The following PARD3 variants were observed in gnomAD, a reference collection of about 807,000 sequenced individuals.
PARD3 encodes the protein par-3 family cell polarity regulator.
A neutral mutation model predicts 155.4 loss-of-function variants in PARD3; 75 were observed. That is an observed-to-expected ratio of 0.48 (90% CI 0.40 to 0.58). The LOEUF is 0.58. Ranked by LOEUF, PARD3 falls within the 20% of genes least tolerant of loss-of-function variation. The probability of loss-of-function intolerance (pLI) is 0.00; values close to 1 mark genes in which losing one functional copy is unlikely to be tolerated. For synonymous variants in PARD3, 576 were observed against 610.5 expected, an observed-to-expected ratio of 0.94 and a Z score of 0.83; for missense variants, 1,642 against 1,721.7, an observed-to-expected ratio of 0.95 and a Z score of 0.82.
intron 2 of PARD3, among the ~76,000 whole-genome samples, chr10:34,590,331 T>C (rs1286098307): frequency 6.6e-6 from 1 of 152,214 alleles, no homozygotes; most frequent in African/African-American, 2.4e-5. Flanking sequence ...TGCATCTAAT[T>C]GCTTTTCAGA....
chr10:34,142,376 TAA>T (rs879790428), intron 22 of PARD3, among the ~76,000 whole-genome samples: 2 of 144,320 alleles, frequency 1.4e-5, no homozygotes, highest in Admixed American at 6.9e-5. Flanking sequence ...ACCCCATCTC[TAA>T]AAAAAAAAAA....
chr10:34,792,885 G>A (rs566576658), intron 1 of PARD3, among the ~76,000 whole-genome samples: 9 of 152,356 alleles, frequency 5.9e-5, no homozygotes, highest in South Asian at 4.1e-4. Flanking sequence ...GTAATAACAC[G>A]GTCAAAATTA....
intron 1 of PARD3, among the ~76,000 whole-genome samples, chr10:34,696,995 GACAC>G (rs35717875): frequency 6.3e-4 from 90 of 143,968 alleles, no homozygotes; most frequent in Non-Finnish European, 9.6e-4. Flanking sequence ...GAGACAAAAT[GACAC>G]ACACACACAC....
chr10:34,286,608 T>C (rs1292566361), intron 20 of PARD3, among the ~76,000 whole-genome samples: 1 of 152,180 alleles, frequency 6.6e-6, no homozygotes, highest in Non-Finnish European at 1.5e-5. Context: ...TTCTTGCCTA[T>C]TCCAGTGATA....
At chr10:34,406,487 T>C (rs957122086) in intron 5 of PARD3, among the ~76,000 whole-genome samples, 2 of 152,158 alleles carry the variant, frequency 1.3e-5, no homozygotes, top group Non-Finnish European at 2.9e-5. Flanking sequence ...GTCTAGTAAG[T>C]ACATCTCCAT....
At chr10:34,785,742 G>C (rs937210565) in intron 1 of PARD3, among the ~76,000 whole-genome samples, 2 of 152,036 alleles carry the variant, frequency 1.3e-5, no homozygotes, top group Admixed American at 6.6e-5. Context: ...CTCATGTGAA[G>C]GTCTTATAAG....
chr10:34,687,949 G>A (rs984820334), intron 2 of PARD3, among the ~76,000 whole-genome samples: 5 of 136,272 alleles, frequency 3.7e-5, no homozygotes, highest in African/African-American at 5.4e-5. Flanking sequence ...CAACCTCACA[G>A]GCTCAATGCG....
intron 7 of PARD3, among the ~76,000 whole-genome samples, chr10:34,389,239 TAAAAAAAAAAA>T (rs57615675): frequency 2.1e-4 from 14 of 65,850 alleles, no homozygotes; most frequent in Admixed American, 6.1e-4. Flanking sequence ...CAATGTTTCT[TAAAAAAAAAAA>T]AAAAAAAAAA....
At chr10:34,404,470 C>T (rs536767967) in intron 5 of PARD3, among the ~76,000 whole-genome samples, 3 of 152,164 alleles carry the variant, frequency 2.0e-5, no homozygotes, top group Middle Eastern at 6.8e-3. Context: ...ATTTCAAGAC[C>T]AGTGTGGGCA....
intron 23 of PARD3, among the ~76,000 whole-genome samples, chr10:34,130,824 A>G (rs1197164723): frequency 6.6e-6 from 1 of 152,162 alleles, no homozygotes; most frequent in Non-Finnish European, 1.5e-5. Context: ...ACTTTGGGAG[A>G]CTGAAGAATG....
At chr10:34,451,476 C>G (rs184408902) in intron 4 of PARD3, among the ~76,000 whole-genome samples, 1 of 151,868 alleles carries the variant, frequency 6.6e-6, no homozygotes, top group Non-Finnish European at 1.5e-5. Flanking sequence ...ATATGAACAC[C>G]CAATACAAAC....
intron 19 of PARD3, among the ~76,000 whole-genome samples, chr10:34,323,864 T>G (rs548328025): frequency 2.6e-4 from 39 of 152,334 alleles, no homozygotes; most frequent in South Asian, 6.2e-4. Context: ...GATTTTAACA[T>G]TCAAATGACG....
rs750118282 is a variant in PARD3 at position 34,516,989 on chromosome 10, G to A, written c.393C>T (p.Val131=). ...AGAGCTTTCACTTACTTGCTCGAAG[G>A]ACTGAAGGTGTGACCTCAATTTCAC... is the stretch of plus-strand genomic sequence containing the variant. ...ATSEIEVTPS[V]LRANMPLHVR... is the part of the protein sequence containing the mutation. Residue 131 remains valine (V), a synonymous_variant, in exon 3 of 25, where the codon GTC becomes GTT. Transcript: ENST00000374788. The A allele has an allele frequency of 1.6e-5, 26 of 1,613,804 alleles. No homozygotes were observed. Among genetic ancestry groups the A allele is most frequent in the Non-Finnish European group, 2.1e-5 (25 of 1,179,854 alleles).
intron 4 of PARD3, among the ~76,000 whole-genome samples, chr10:34,463,918 A>T (rs937146547): frequency 2.6e-5 from 4 of 152,216 alleles, no homozygotes; most frequent in Non-Finnish European, 5.9e-5. Context: ...AGGATATACC[A>T]TGTAACCTAG....
chr10:34,178,484 G>T (rs958459165), intron 22 of PARD3, among the ~76,000 whole-genome samples: 1 of 152,190 alleles, frequency 6.6e-6, no homozygotes, highest in African/African-American at 2.4e-5. Flanking sequence ...AGAAATGCAG[G>T]AGGGACAGCA....
chr10:34,140,446 G>A (rs969964312), intron 22 of PARD3, among the ~76,000 whole-genome samples: 2 of 152,160 alleles, frequency 1.3e-5, no homozygotes, highest in African/African-American at 4.8e-5. Context: ...TGTACAGTTT[G>A]TGAAAAAGTA....
chr10:34,666,406 C>G (rs2093472351), intron 2 of PARD3, among the ~76,000 whole-genome samples: 2 of 152,066 alleles, frequency 1.3e-5, no homozygotes, highest in Admixed American at 6.6e-5. Flanking sequence ...GTCTGAGAAT[C>G]TCAAGTTCTC....
intron 2 of PARD3, among the ~76,000 whole-genome samples, chr10:34,578,079 G>A (rs543002290): frequency 6.6e-6 from 1 of 150,408 alleles, no homozygotes; most frequent in South Asian, 2.1e-4. Context: ...CCTTTGTAGA[G>A]ACAGTGTCTC....
chr10:34,787,624 G>T (rs1437944670), intron 1 of PARD3, among the ~76,000 whole-genome samples: 1 of 152,148 alleles, frequency 6.6e-6, no homozygotes, highest in Non-Finnish European at 1.5e-5. Context: ...AAAGATGGAA[G>T]CAATCCCTGA....
Sources: gnomAD v4.1 joint callset for allele counts (sites outside exome capture counted in the v4.1 genomes callset) on GRCh38, gnomAD v4.1.1 for gene constraint, MANE v1.5 for transcripts, NCBI Gene and HGNC (gene_info 2026-07-23, HGNC 2026-07-21) for gene names.